The following PAG1 variants were observed in gnomAD, a reference collection of about 807,000 sequenced individuals.
PAG1 encodes phosphoprotein associated with glycosphingolipid-enriched microdomains 1.
A neutral mutation model predicts 31.7 loss-of-function variants in PAG1; 23 were observed. The observed-to-expected ratio is 0.73, with a 90% confidence interval of 0.52 to 1.03. The LOEUF (loss-of-function observed/expected upper bound fraction) is 1.03, where lower values mean the gene tolerates loss of function less well. Ranked by LOEUF, PAG1 falls within the 50% of genes least tolerant of loss-of-function variation. PAG1 has a pLI of 0.00. For synonymous variants in PAG1, 214 were observed against 210.3 expected, an observed-to-expected ratio of 1.02 and a Z score of -0.15; for missense variants, 473 against 540.7, an observed-to-expected ratio of 0.87 and a Z score of 1.24.
chr8:81,021,605 C>T (rs1190582445), intron 3 of PAG1, among the ~76,000 whole-genome samples: 2 of 150,296 alleles, frequency 1.3e-5, no homozygotes, highest in East Asian at 3.9e-4. Flanking sequence ...TATTTCTTTT[C>T]TATGTAGCAA....
chr8:81,040,610 T>C (rs1435523240), intron 2 of PAG1: 1 of 152,270 alleles, frequency 6.6e-6, no homozygotes, highest in African/African-American at 2.4e-5. Context: ...AGTTATCATA[T>C]ACGACTGTTC....
At chr8:81,012,057 G>C (rs1277578315) in intron 3 of PAG1, among the ~76,000 whole-genome samples, 1 of 152,168 alleles carries the variant, frequency 6.6e-6, no homozygotes, top group Non-Finnish European at 1.5e-5. Context: ...TGGGTCTCTT[G>C]CAATTGTTCA....
At chr8:81,082,279 GA>G (rs1009890710) in intron 1 of PAG1, among the ~76,000 whole-genome samples, 7 of 135,732 alleles carry the variant, frequency 5.2e-5, no homozygotes, top group South Asian at 4.7e-4. Context: ...AAAAAGAAAA[GA>G]AAAAAAAATC....
intron 3 of PAG1, among the ~76,000 whole-genome samples, chr8:81,020,151 C>T (rs1808138402): frequency 6.6e-6 from 1 of 152,162 alleles, no homozygotes; most frequent in African/African-American, 2.4e-5. Context: ...TGGGAAATAA[C>T]TAACTTGTTT....
chr8:80,977,524 T>C (rs1379411552), intron 8 of PAG1, among the ~76,000 whole-genome samples: 1 of 152,220 alleles, frequency 6.6e-6, no homozygotes, highest in Non-Finnish European at 1.5e-5. Context: ...CCAACACCCG[T>C]TGCTGGATTC....
At chr8:81,003,730 G>C (rs1318650668) in intron 3 of PAG1, among the ~76,000 whole-genome samples, 1 of 152,112 alleles carries the variant, frequency 6.6e-6, no homozygotes, top group African/African-American at 2.4e-5. Context: ...CATTTTATAA[G>C]TTGCCAGTGA....
intron 1 of PAG1, among the ~76,000 whole-genome samples, chr8:81,105,722 G>GC (rs2131132866): frequency 6.6e-6 from 1 of 152,306 alleles, no homozygotes; most frequent in Non-Finnish European, 1.5e-5. Flanking sequence ...TGAAAGGATG[G>GC]CGTAGGGGGA....
At chr8:81,107,795 T>G (rs189617015) in intron 1 of PAG1, among the ~76,000 whole-genome samples, 305 of 152,348 alleles carry the variant, frequency 2.0e-3, no homozygotes, top group African/African-American at 4.4e-3. Context: ...GAGCGAGCCC[T>G]CAGGGGCTGT....
chr8:81,005,826 C>T (rs1257644537), intron 3 of PAG1, among the ~76,000 whole-genome samples: 1 of 152,184 alleles, frequency 6.6e-6, no homozygotes, highest in African/African-American at 2.4e-5. Context: ...TCCCTCACTC[C>T]CTGACGTTCT....
Position 80,976,169 on chromosome 8 carries a change from G to C in PAG1, c.*375C>G, listed in dbSNP as rs942612680. The stretch of plus-strand genomic sequence containing the variant: ...GAGAGGAAGAAAAACCTGCTTTTCT[G>C]AATGGCAGTACTTTAGGCCGGGGGC... On this transcript the variant is annotated 3_prime_UTR_variant, in exon 9 of 9. Coordinates refer to ENST00000220597, the MANE Select transcript of PAG1 (RefSeq NM_018440.4). 5.7e-6 allele frequency: 1 copy of C among 174,622 alleles called. No individual in the cohort carries two copies. Among genetic ancestry groups the C allele is most frequent in the African/African-American group, 2.4e-5 (1 of 42,102 alleles). 10.8% of individuals were successfully genotyped at this position (174,622 alleles called of 1,614,324 possible).
chr8:80,980,894 C>T (rs1400967584), intron 7 of PAG1, among the ~76,000 whole-genome samples: 1 of 152,196 alleles, frequency 6.6e-6, no homozygotes, highest in East Asian at 1.9e-4. Context: ...TCAGAAAGAT[C>T]CTTAAGTCAT....
intron 3 of PAG1, among the ~76,000 whole-genome samples, chr8:81,002,313 A>G (rs1807800626): frequency 6.6e-6 from 1 of 152,108 alleles, no homozygotes; most frequent in Non-Finnish European, 1.5e-5. Context: ...CTCTCAATCA[A>G]ATTTCCTACT....
intron 1 of PAG1, among the ~76,000 whole-genome samples, chr8:81,098,298 T>C (rs4739787): frequency 0.52 from 78,980 of 152,062 alleles, 20,981 homozygotes; most frequent in East Asian, 0.74. Context: ...ATTCAATAAT[T>C]TGCAACAAGT....
chr8:81,076,520 T>C lies in PAG1; in HGVS notation c.-233-6350A>G, dbSNP rs578009335. Among the ~76,000 whole-genome samples the C allele has an allele frequency of 3.9e-5, 6 of 152,290 alleles. No homozygotes were observed. In the South Asian group the frequency reaches 1.0e-3, roughly 26 times the overall value. On this transcript the variant is annotated intron_variant, in intron 1 of 8. Transcript: ENST00000220597. ...GGTTAGGCATTCAGGGCTGATAAAA[T>C]ATTTCTTTTTAAGTCAGTGAGGCCA...
rs541120853 is a variant in PAG1, at chr8:81,000,698, T to C, written c.-80-7391A>G. ...CTCAAGTGATCTGCCAGCCTAGGCC[T>C]CCCAAAATGCTGGGATTATAGGCAT... On this transcript the variant is annotated intron_variant, in intron 3 of 8. Transcript: ENST00000220597. Among the ~76,000 whole-genome samples the C allele has an allele frequency of 1.7e-4, 26 of 152,238 alleles. No individual in the cohort carries two copies. In the South Asian group the frequency reaches 4.4e-3, roughly 25 times the overall value.
intron 3 of PAG1, among the ~76,000 whole-genome samples, chr8:81,027,200 C>T (rs1808296652): frequency 1.3e-5 from 2 of 152,118 alleles, no homozygotes; most frequent in South Asian, 4.2e-4. Context: ...CAGGGTTTTG[C>T]CATGTTGCCC....
chr8:80,994,289 C>T (rs1807627191), intron 3 of PAG1, among the ~76,000 whole-genome samples: 1 of 152,124 alleles, frequency 6.6e-6, no homozygotes, highest in African/African-American at 2.4e-5. Flanking sequence ...GCTGTGAGTA[C>T]CCAATAAATG....
intron 3 of PAG1, among the ~76,000 whole-genome samples, chr8:80,996,223 T>C (rs7825232): frequency 0.043 from 6,607 of 152,256 alleles, 178 homozygotes; most frequent in African/African-American, 0.076. Context: ...GCTGGCGGGT[T>C]GAGTGGCTGC....
At chr8:80,985,828 G>C (rs1005084470) in intron 6 of PAG1, among the ~76,000 whole-genome samples, 3 of 152,186 alleles carry the variant, frequency 2.0e-5, no homozygotes, top group Admixed American at 6.5e-5. Context: ...TCACACAGGT[G>C]ACTTTTGTTT....
Sources: gnomAD v4.1 joint callset for allele counts (sites outside exome capture counted in the v4.1 genomes callset) on GRCh38, gnomAD v4.1.1 for gene constraint, MANE v1.5 for transcripts, NCBI Gene and HGNC (gene_info 2026-07-23, HGNC 2026-07-21) for gene names.